Variants in ESYT2 observed in about 807,000 individuals in gnomAD.
The protein encoded by ESYT2 is extended synaptotagmin-2.
A neutral mutation model predicts 107.2 loss-of-function variants in ESYT2; 54 were observed. The ratio of observed to expected loss-of-function variants is 0.50; its 90% CI spans 0.40 to 0.63. The LOEUF (loss-of-function observed/expected upper bound fraction) is 0.63, where lower values mean the gene tolerates loss of function less well. Among genes scored for constraint, ESYT2 ranks in the 30% least tolerant of loss-of-function variants. The pLI is 0.00. For missense variants in ESYT2, 1,020 were observed against 1,094.5 expected (o/e 0.93, Z 0.96); for synonymous variants, 491 against 434.1 (o/e 1.13, Z -1.63).
chr7:158,760,731 A>T (rs1343582640), intron 11 of ESYT2, among the ~76,000 whole-genome samples: 1 of 152,208 alleles, frequency 6.6e-6, no homozygotes, highest in Non-Finnish European at 1.5e-5. Context: ...ATCACTCTAT[A>T]CTAATAAAAT....
chr7:158,749,553 G>T, intron 15 of ESYT2, 96 bp downstream of exon 15: 1 of 1,125,724 alleles, frequency 8.9e-7, no homozygotes, highest in Non-Finnish European at 1.3e-6. Context: ...TCACACAACT[G>T]AATGTATTTG....
rs1340882855 is a variant in ESYT2 at position 158,762,528 on chromosome 7, GTTAAA to G, written c.1184+550_1184+554del. Reference sequence around the variant, plus strand: ...TAATTCAGTCAAATAACTTAATTAGGTTAAATTAATCAGAAATAATTGATATTAAC... The same window carrying G: ...TAATTCAGTCAAATAACTTAATTAGGTTAATCAGAAATAATTGATATTAAC... On this transcript the variant is annotated intron_variant, in intron 10 of 22. Coordinates refer to ENST00000275418, the MANE Select transcript of ESYT2 (RefSeq NM_001367773.1). Among the ~76,000 whole-genome samples, 46 of 151,162 alleles carry G rather than the reference GTTAAA, an allele frequency of 3.0e-4. No homozygotes were observed. The South Asian group carries it at 6.7e-3, about 22-fold the overall frequency.
intron 12 of ESYT2, among the ~76,000 whole-genome samples, chr7:158,759,792 G>C (rs1837897931): frequency 6.6e-6 from 1 of 152,190 alleles, no homozygotes; most frequent in African/African-American, 2.4e-5. Context: ...GCACTCAGGT[G>C]ATTTCTGGCT....
intron 1 of ESYT2, among the ~76,000 whole-genome samples, chr7:158,818,562 T>C (rs1420406242): frequency 6.6e-6 from 1 of 152,224 alleles, no homozygotes; most frequent in East Asian, 1.9e-4. Context: ...ACACCAGGAC[T>C]TGCCTGCAAG....
chr7:158,759,436 G>T, intron 13 of ESYT2, 50 bp downstream of exon 13: 1 of 1,433,768 alleles, frequency 7.0e-7, no homozygotes, highest in Non-Finnish European at 9.7e-7. Flanking sequence ...ATAAGCAAGA[G>T]CAGCTGCTAG....
At chr7:158,807,086 C>T (rs1839851361) in intron 1 of ESYT2, among the ~76,000 whole-genome samples, 1 of 151,490 alleles carries the variant, frequency 6.6e-6, no homozygotes, top group African/African-American at 2.4e-5. Flanking sequence ...CCCGTCTCTA[C>T]TAAAAATACA....
At chr7:158,780,809 C>T (rs533524552) in intron 6 of ESYT2, among the ~76,000 whole-genome samples, 4 of 152,136 alleles carry the variant, frequency 2.6e-5, no homozygotes, top group African/African-American at 9.7e-5. Flanking sequence ...GCAAAGGGGT[C>T]CCCATGTTCA....
chr7:158,776,113 T>TA (rs1485114957), intron 6 of ESYT2, among the ~76,000 whole-genome samples: 2 of 152,162 alleles, frequency 1.3e-5, no homozygotes, highest in Non-Finnish European at 2.9e-5. Flanking sequence ...ACAGTGGGCT[T>TA]AAAATATTTG....
rs774711525 is a variant in ESYT2, at chr7:158,739,076, G to A, written c.2214C>T (p.Thr738=). The change falls in exon 19 of 23, where the codon ACC becomes ACT. Residue 738 remains threonine, a synonymous_variant. Coordinates refer to ENST00000275418, the MANE Select transcript of ESYT2 (RefSeq NM_001367773.1). ...GQSPLGQIQL[T]IRHSSQRNKL... ...TGTTTCTCTGCGAGCTGTGCCGGAT[G>A]GTCAGCTGGATCTGCCCCAGTGGAG... 6 of 1,613,978 alleles carry A rather than the reference G, an allele frequency of 3.7e-6. No homozygotes were observed. Among genetic ancestry groups the A allele is most frequent in the African/African-American group, 1.3e-5 (1 of 74,912 alleles).
chr7:158,750,850 A>C (rs1837561795), intron 14 of ESYT2, among the ~76,000 whole-genome samples: 1 of 152,182 alleles, frequency 6.6e-6, no homozygotes, highest in African/African-American at 2.4e-5. Context: ...TTCTGGCCCC[A>C]CAGGAGGCTG....
chr7:158,815,877 A>C (rs1840135358), intron 1 of ESYT2, among the ~76,000 whole-genome samples: 1 of 152,198 alleles, frequency 6.6e-6, no homozygotes, highest in African/African-American at 2.4e-5. Context: ...TGTAAAATAA[A>C]TCTGATTTCT....
chr7:158,734,248 C>T lies in ESYT2; in HGVS notation c.2560G>A (p.Asp854Asn), dbSNP rs1335511014. The T allele has an allele frequency of 6.2e-7, 1 of 1,614,098 alleles. No homozygotes were observed. The highest frequency in any genetic ancestry group is 1.3e-5 in the African/African-American group (1 of 75,040). ...ELAKGWTQWY[D>N]LTEDGTRPQA... ...GGCCTCGTCCCATCTTCCGTGAGGTCATACCTGAGAAAGACAGTGACAGGA... is the reference window on the plus strand; with the variant it reads ...GGCCTCGTCCCATCTTCCGTGAGGTTATACCTGAGAAAGACAGTGACAGGA... The change falls in exon 23 of 23, where the codon GAC (aspartate) becomes AAC (asparagine). Residue 854 changes from aspartate to asparagine, a missense_variant. Coordinates refer to ENST00000275418, the MANE Select transcript of ESYT2 (RefSeq NM_001367773.1).
At chr7:158,789,736 C>A (rs1025421297) in intron 4 of ESYT2, among the ~76,000 whole-genome samples, 2 of 152,188 alleles carry the variant, frequency 1.3e-5, no homozygotes, top group Admixed American at 6.5e-5. Context: ...AAGTGCTTGT[C>A]TGGAACTCAC....
chr7:158,775,230 C>T (rs559242783), intron 6 of ESYT2, among the ~76,000 whole-genome samples: 1 of 152,142 alleles, frequency 6.6e-6, no homozygotes, highest in Non-Finnish European at 1.5e-5. Context: ...AAGCCTTCAG[C>T]GCGTCATAAT....
intron 6 of ESYT2, among the ~76,000 whole-genome samples, chr7:158,781,071 G>A (rs917918677): frequency 1.3e-5 from 2 of 152,238 alleles, no homozygotes; most frequent in Non-Finnish European, 2.9e-5. Flanking sequence ...GAACATAAGA[G>A]CAAATGTGAG....
rs1466266189 is a variant in ESYT2, at chr7:158,734,508, G to A, written c.2506-37C>T. 1.9e-6 allele frequency: 3 copies of A among 1,594,240 alleles called. No individual in the cohort carries two copies. In the African/African-American group the frequency reaches 4.0e-5, roughly 21 times the overall value. On this transcript the variant is annotated intron_variant, in intron 21 of 22. Transcript: ENST00000275418. ...TAAAAAAGCAGTTAAAGTAGGCTGG[G>A]CTGGGGGCACTGGCTCCCGTCTGTA...
chr7:158,773,344 A>G lies in ESYT2; in HGVS notation c.800T>C (p.Leu267Ser). ...GLTNLLDVPG[L>S]NGLSDTIILD... ...CGGGACCAGACACGAGACTTACTTC[A>G]ATCCAGGGACATCCAGAAGATTCGT... The change falls in exon 7 of 23, where the codon TTG becomes TCG. Residue 267 changes from leucine to serine, a missense_variant. Transcript: ENST00000275418. 1 of 1,614,116 alleles carries G rather than the reference A, an allele frequency of 6.2e-7. No homozygotes were observed. The highest frequency in any genetic ancestry group is 1.1e-5 in the South Asian group (1 of 91,060).
chr7:158,759,608 C>T (rs1308190942), intron 12 of ESYT2, 27 bp from the exon 13 acceptor site: 3 of 1,571,510 alleles, frequency 1.9e-6, no homozygotes, highest in Admixed American at 3.4e-5. Context: ...AAGCCCTTAG[C>T]AGCCATGTTT....
chr7:158,743,802 C>G, intron 16 of ESYT2, 124 bp from the exon 17 acceptor site: 1 of 1,147,806 alleles, frequency 8.7e-7, no homozygotes, highest in Non-Finnish European at 1.2e-6. Flanking sequence ...AGAAAGGGGC[C>G]AGGTGGGGTG....
Sources: allele counts gnomAD v4.1 joint callset (sites outside exome capture counted in the v4.1 genomes callset), GRCh38; gene constraint gnomAD v4.1.1; transcripts MANE v1.5; gene names NCBI Gene and HGNC (gene_info 2026-07-23, HGNC 2026-07-21).